Variants in ATP7B observed in about 807,000 individuals in gnomAD.
ATP7B encodes the protein copper-transporting ATPase 2.
In ATP7B, 113 loss-of-function variants were observed where a neutral mutation model predicts 118.9. That is an observed-to-expected ratio of 0.95 (90% CI 0.82 to 1.11). ATP7B has a LOEUF of 1.11. Among genes scored for constraint, ATP7B ranks in the 50% most tolerant of loss-of-function variants. The pLI, the probability that ATP7B is intolerant of heterozygous loss-of-function variation, is 0.00. For missense variants in ATP7B, 1,867 were observed against 1,871.4 expected (o/e 1.00, Z 0.04); for synonymous variants, 777 against 727.4 (o/e 1.07, Z -1.10).
At chr13:51,946,925 A>G (rs983179702) in intron 12 of ATP7B, among the ~76,000 whole-genome samples, 19 of 152,242 alleles carry the variant, frequency 1.2e-4, no homozygotes, top group African/African-American at 4.1e-4. Flanking sequence ...AACAGTAACT[A>G]TTATCGTTAT....
rs1022670769 is a variant in ATP7B at position 51,942,520 on chromosome 13, T to C, written c.3278A>G (p.Asp1093Gly). 1.2e-5 allele frequency: 20 copies of C among 1,614,036 alleles called. No homozygotes were observed. Among genetic ancestry groups the C allele is most frequent in the Middle Eastern group, 3.3e-4 (2 of 6,060 alleles). ...LGTETLGYCT[D>G]FQAVPGCGIG... Reference sequence around the variant, plus strand: ...TCCACAGCCTGGCACTGCCTGGAAGTCCGTGCAGTATCCCAAGGTCTCTGT... The same window carrying C: ...TCCACAGCCTGGCACTGCCTGGAAGCCCGTGCAGTATCCCAAGGTCTCTGT... Residue 1093 changes from aspartate (D) to glycine (G), a missense_variant, in exon 15 of 21, where the codon GAC becomes GGC. Asp to Gly is a moderately conservative substitution (Grantham distance 94, BLOSUM62 -1). Coordinates refer to ENST00000242839, the MANE Select transcript of ATP7B (RefSeq NM_000053.4).
intron 9 of ATP7B, among the ~76,000 whole-genome samples, chr13:51,955,270 C>T (rs910052383): frequency 2.8e-4 from 42 of 152,162 alleles, no homozygotes; most frequent in African/African-American, 9.9e-4. Context: ...CCTCAAAGCA[C>T]AGAATGGTTG....
chr13:51,970,566 C>A lies in ATP7B; in HGVS notation c.1469G>T (p.Cys490Phe). Residue 490 changes from cysteine to phenylalanine, a missense_variant, in exon 3 of 21, where the codon TGC becomes TTC. Cys to Phe is a radical substitution (Grantham distance 205). Coordinates refer to ENST00000242839, the MANE Select transcript of ATP7B (RefSeq NM_000053.4). ...QSTRAVAPQK[C>F]FLQIKGMTCA... ...GGTCATGCCTTTGATCTGTAAGAAG[C>A]ACTTCTGCGGTGCCACTGCTCTGGT... is the stretch of plus-strand genomic sequence containing the variant. The A allele has an allele frequency of 6.2e-7, 1 of 1,614,170 alleles. No individual in the cohort carries two copies.
intron 14 of ATP7B, 39 bp from the exon 15 acceptor site, chr13:51,942,593 C>G: frequency 6.2e-7 from 1 of 1,612,262 alleles, no homozygotes; most frequent in Non-Finnish European, 8.5e-7. Context: ...AACTGTAAGC[C>G]AAGAGGGGTG....
At chr13:52,003,576 T>C (rs1177089737) in intron 1 of ATP7B, among the ~76,000 whole-genome samples, 2 of 151,748 alleles carry the variant, frequency 1.3e-5, no homozygotes, top group Non-Finnish European at 2.9e-5. Context: ...GTTACACAAA[T>C]GGCGTCAGTA....
intron 1 of ATP7B, among the ~76,000 whole-genome samples, chr13:51,988,842 T>G (rs1952782122): frequency 7.5e-6 from 1 of 133,924 alleles, no homozygotes; most frequent in Admixed American, 9.4e-5. Context: ...CACTCATAAG[T>G]GGGAGCTAAA....
intron 1 of ATP7B, among the ~76,000 whole-genome samples, chr13:52,008,938 G>A (rs1338096394): frequency 6.6e-6 from 1 of 152,146 alleles, no homozygotes; most frequent in Non-Finnish European, 1.5e-5. Context: ...GCAGTGGTGG[G>A]ATCACAACTC....
rs1406386204 is a variant in ATP7B at position 51,958,447 on chromosome 13, G to A, written c.2219C>T (p.Ala740Val). The change falls in exon 8 of 21, where the codon GCT becomes GTT. Residue 740 changes from alanine (A) to valine (V), a missense_variant. Coordinates refer to ENST00000242839, the MANE Select transcript of ATP7B (RefSeq NM_000053.4). ...DVLIVLATSIAYVYSLVILVV... is the reference protein window; with the variant it reads ...DVLIVLATSIVYVYSLVILVV... ...CAGGATGACCAGAGAATAAACATAAGCAATGCTTGTGGCCAGGACGATGAG... is the reference window on the plus strand; with the variant it reads ...CAGGATGACCAGAGAATAAACATAAACAATGCTTGTGGCCAGGACGATGAG... 10 of 1,614,114 alleles carry A rather than the reference G, an allele frequency of 6.2e-6. No homozygotes were observed. Among genetic ancestry groups the A allele is most frequent in the South Asian group, 2.2e-5 (2 of 91,082 alleles).
At chr13:52,000,769 C>G (rs1953456355) in intron 1 of ATP7B, among the ~76,000 whole-genome samples, 1 of 152,144 alleles carries the variant, frequency 6.6e-6, no homozygotes. Flanking sequence ...GCCTGTAATC[C>G]CAGCACTTTG....
rs1957878951 is a variant in ATP7B, at chr13:51,949,767, A to T, written c.2760T>A (p.Phe920Leu). Residue 920 changes from phenylalanine (F) to leucine (L), a missense_variant, in exon 12 of 21, where the codon TTT (phenylalanine) becomes TTA (leucine). Transcript: ENST00000242839. Reference sequence around the variant, plus strand: ...TGATAAATGGGACAAAATATCCACTAAACCGGTCAGCCAGCTGCTGAATGG... The same window carrying T: ...TGATAAATGGGACAAAATATCCACTTAACCGGTCAGCCAGCTGCTGAATGG... ...KAPIQQLADR[F>L]SGYFVPFIII... 1.2e-6 allele frequency: 2 copies of T among 1,614,000 alleles called. No individual in the cohort carries two copies. The highest frequency in any genetic ancestry group is 2.2e-5 in the South Asian group (2 of 91,090).
intron 10 of ATP7B, 32 bp downstream of exon 10, chr13:51,950,236 TATCC>T: frequency 1.9e-6 from 3 of 1,614,198 alleles, no homozygotes; most frequent in Non-Finnish European, 2.5e-6. Context: ...GCTGCTATGA[TATCC>T]TCCTGAGGGA....
chr13:51,940,000 CTTTTTTTTTTT>C (rs10555680), intron 16 of ATP7B, among the ~76,000 whole-genome samples: 27 of 52,336 alleles, frequency 5.2e-4, no homozygotes, highest in Admixed American at 4.4e-3. Flanking sequence ...CACATGCAGT[CTTTTTTTTTTT>C]TTTTTTTTTT....
In ATP7B at chr13:51,942,535, A is replaced by C; in HGVS notation, c.3263T>G (p.Leu1088Trp). 6.2e-7 allele frequency: 1 copy of C among 1,614,100 alleles called. No homozygotes were observed. The highest frequency in any genetic ancestry group is 8.5e-7 in the Non-Finnish European group (1 of 1,180,020). Residue 1088 changes from leucine to tryptophan, a missense_variant, in exon 15 of 21, where the codon TTG becomes TGG. By Grantham distance (61) the Leu-to-Trp change is moderately conservative (BLOSUM62 -2). Coordinates refer to ENST00000242839, the MANE Select transcript of ATP7B (RefSeq NM_000053.4). ...YCKEELGTET[L>W]GYCTDFQAVP... Reference sequence around the variant, plus strand: ...TGCCTGGAAGTCCGTGCAGTATCCCAAGGTCTCTGTTCCAAGTTCCTGGGA... The same window carrying C: ...TGCCTGGAAGTCCGTGCAGTATCCCCAGGTCTCTGTTCCAAGTTCCTGGGA...
intron 1 of ATP7B, among the ~76,000 whole-genome samples, chr13:51,993,241 G>C (rs1953017247): frequency 1.3e-5 from 2 of 151,800 alleles, no homozygotes; most frequent in South Asian, 4.2e-4. Flanking sequence ...TTTTTATATA[G>C]AGTATATGTT....
At chr13:52,004,579 C>CT (rs1566673115) in intron 1 of ATP7B, among the ~76,000 whole-genome samples, 2 of 152,244 alleles carry the variant, frequency 1.3e-5, no homozygotes, top group Admixed American at 6.5e-5. Flanking sequence ...CAACTAAACT[C>CT]TAACTAGGGT....
intron 4 of ATP7B, chr13:51,966,667 A>G (rs1593758974): frequency 8.1e-7 from 1 of 1,231,126 alleles, no homozygotes; most frequent in Admixed American, 2.3e-5. Context: ...TTTTTAAAAA[A>G]AGAACACTAC....
Position 51,939,069 on chromosome 13 carries a change from G to A in ATP7B, c.3681C>T (p.Ala1227=), listed in dbSNP as rs1292714486. 3 of 1,614,216 alleles carry A rather than the reference G, an allele frequency of 1.9e-6. No homozygotes were observed. The highest frequency in any genetic ancestry group is 2.5e-6 in the Non-Finnish European group (3 of 1,180,046). ...VLITGDNRKT[A]RAIATQVGIN... ...GCTGTACCTGGGTGGCAATAGCTCT[G>A]GCTGTCTTCCGGTTGTCCCCCGTGA... is the stretch of plus-strand genomic sequence containing the variant. The change falls in exon 17 of 21, where the codon GCC becomes GCT. Residue 1227 remains alanine (A), a synonymous_variant. Transcript: ENST00000242839.
intron 20 of ATP7B, among the ~76,000 whole-genome samples, chr13:51,935,328 A>AC (rs1435046143): frequency 6.6e-6 from 1 of 152,192 alleles, no homozygotes; most frequent in Non-Finnish European, 1.5e-5. Flanking sequence ...ATACACAGGG[A>AC]CCCATGTCTG....
chr13:51,939,275 A>G, intron 16 of ATP7B, 82 bp from the exon 17 acceptor site: 7 of 1,583,596 alleles, frequency 4.4e-6, no homozygotes, highest in Non-Finnish European at 4.3e-6. Context: ...TGTTCTCATC[A>G]TATAATATTA....
Sources: allele counts gnomAD v4.1 joint callset (sites outside exome capture counted in the v4.1 genomes callset), GRCh38; gene constraint gnomAD v4.1.1; transcripts MANE v1.5; gene names NCBI Gene and HGNC (gene_info 2026-07-23, HGNC 2026-07-21).